The following ITGAD variants were observed in gnomAD, a reference collection of about 807,000 sequenced individuals.
The protein encoded by ITGAD is integrin alpha-D.
A neutral mutation model predicts 139.0 loss-of-function variants in ITGAD; 105 were observed. The ratio of observed to expected loss-of-function variants is 0.76; its 90% CI spans 0.65 to 0.89. ITGAD has a LOEUF of 0.89. Ranked by LOEUF, ITGAD falls within the 40% of genes least tolerant of loss-of-function variation. The pLI is 0.00. For synonymous variants in ITGAD, 569 were observed against 598.3 expected (o/e 0.95, Z 0.71); for missense variants, 1,384 against 1,487.3 (o/e 0.93, Z 1.14).
chr16:31,424,135 G>A lies in ITGAD; in HGVS notation c.3193G>A (p.Ala1065Thr). ...LQKKVLVVSV[A>T]EITFDTSVYS... ...GAAGAAGGTGTTGGTCGTGAGTGTG[G>A]CTGAAATTACGTTCGACACATCCGT... is the stretch of plus-strand genomic sequence containing the variant. The change falls in exon 28 of 30, where the codon GCT becomes ACT. Residue 1065 changes from alanine to threonine, a missense_variant. By Grantham distance (58) the Ala-to-Thr change is moderately conservative. Transcript: ENST00000389202. 6.2e-7 allele frequency: 1 copy of A among 1,614,230 alleles called. No homozygotes were observed. Among genetic ancestry groups the A allele is most frequent in the Non-Finnish European group, 8.5e-7 (1 of 1,180,050 alleles).
intron 23 of ITGAD, among the ~76,000 whole-genome samples, chr16:31,419,970 A>G (rs1293393833): frequency 6.6e-6 from 1 of 152,154 alleles, no homozygotes; most frequent in African/African-American, 2.4e-5. Context: ...ACACACACAC[A>G]TTGCCACCAC....
At chr16:31,419,827 A>AG (rs1412836046) in intron 23 of ITGAD, among the ~76,000 whole-genome samples, 11 of 151,614 alleles carry the variant, frequency 7.3e-5, no homozygotes, top group African/African-American at 2.2e-4. Context: ...AAAAAAAAAA[A>AG]AAAAGAAAAA....
chr16:31,413,633 C>A (rs528407858), intron 16 of ITGAD, among the ~76,000 whole-genome samples: 9 of 152,346 alleles, frequency 5.9e-5, no homozygotes, highest in Non-Finnish European at 1.2e-4. Context: ...CCCTGCGTAA[C>A]CCGCCTTGCA....
chr16:31,424,403 G>T (rs1307383558), intron 28 of ITGAD, 64 bp from the exon 29 acceptor site: 1 of 1,402,784 alleles, frequency 7.1e-7, no homozygotes, highest in Admixed American at 1.7e-5. Context: ...AGAGTTAAAG[G>T]TTGCGGAACC....
At chr16:31,419,574 G>A (rs181941620) in intron 23 of ITGAD, among the ~76,000 whole-genome samples, 104 of 152,324 alleles carry the variant, frequency 6.8e-4, no homozygotes, top group African/African-American at 2.4e-3. Context: ...ACTTTGGGAG[G>A]CTGAGGCAGG....
rs930037452 is a variant in ITGAD, at chr16:31,396,474, A to G, written c.138-885A>G. Among the ~76,000 whole-genome samples, 4 of 152,312 alleles carry G rather than the reference A, an allele frequency of 2.6e-5. No homozygotes were observed. The East Asian group carries it at 7.7e-4, about 29-fold the overall frequency. On this transcript the variant is annotated intron_variant, in intron 2 of 29. Transcript: ENST00000389202. ...GGTGACAGAGTGAAACTCTGTCTCA[A>G]AAAACATATGGGTTGATGGGTTACA...
At chr16:31,394,130 C>CAAAAAAA (rs943198130) in intron 1 of ITGAD, 106 bp from the exon 2 acceptor site, 7 of 417,102 alleles carry the variant, frequency 1.7e-5, no homozygotes, top group Admixed American at 4.5e-5. Context: ...GACTCCATCT[C>CAAAAAAA]AAAAAAAAAA....
chr16:31,414,730 G>A (rs1028717968), intron 17 of ITGAD, 125 bp downstream of exon 17: 6 of 1,549,780 alleles, frequency 3.9e-6, no homozygotes, highest in Non-Finnish European at 5.3e-6. Context: ...AGGGACATTA[G>A]GGCAGGAGAA....
intron 7 of ITGAD, among the ~76,000 whole-genome samples, chr16:31,406,586 G>A (rs9889047): frequency 0.033 from 5,074 of 152,286 alleles, 282 homozygotes; most frequent in African/African-American, 0.11. Context: ...GGGATATGCT[G>A]GAAGGCAGGC....
chr16:31,423,232 G>A (rs1482470611), intron 24 of ITGAD, 40 bp downstream of exon 24: 1 of 1,601,892 alleles, frequency 6.2e-7, no homozygotes, highest in East Asian at 2.2e-5. Flanking sequence ...CTTCCACGTT[G>A]TGGATAAAGT....
Position 31,412,967 on chromosome 16 carries a change from AG to A in ITGAD, c.1838+1del. The A allele has an allele frequency of 6.2e-7, 1 of 1,604,372 alleles. No individual in the cohort carries two copies. The highest frequency in any genetic ancestry group is 1.1e-5 in the South Asian group (1 of 89,710). On this transcript the variant is annotated frameshift_variant and splice_region_variant, in exon 15 of 30. Coordinates refer to ENST00000389202, the MANE Select transcript of ITGAD (RefSeq NM_005353.3). LOFTEE classifies it high-confidence loss of function. ...VGARGQVLLL[R>X]SLPVLKVGVA... The stretch of plus-strand genomic sequence containing the variant: ...GGCCCGGGGCCAGGTGCTCCTGCTC[AG>A]GTAGCGACTCCCCAACATCCTGCCC...
rs2081658695 is a variant in ITGAD, at chr16:31,410,440, G to A, written c.1129G>A (p.Gly377Ser). 5 of 1,614,030 alleles carry A rather than the reference G, an allele frequency of 3.1e-6. No homozygotes were observed. The highest frequency in any genetic ancestry group is 4.2e-6 in the Non-Finnish European group (5 of 1,179,990). The change falls in exon 11 of 30, where the codon GGT becomes AGT. Residue 377 changes from glycine (G) to serine (S), a missense_variant. Physicochemically the swap from Gly to Ser is moderately conservative, Grantham distance 56. Coordinates refer to ENST00000389202, the MANE Select transcript of ITGAD (RefSeq NM_005353.3). ...TGTGGGGAGCTTTAGCTGGTCTGGAGGTGCCTTCCTGTATCCCCCAAATAT... is the reference window on the plus strand; with the variant it reads ...TGTGGGGAGCTTTAGCTGGTCTGGAAGTGCCTTCCTGTATCCCCCAAATAT... The part of the protein sequence containing the change: ...GAVGSFSWSG[G>S]AFLYPPNMSP...
intron 7 of ITGAD, among the ~76,000 whole-genome samples, chr16:31,405,640 CTTTTTT>C (rs569550173): frequency 2.0e-4 from 21 of 103,990 alleles, no homozygotes; most frequent in Non-Finnish European, 2.6e-4. Context: ...TTTTGTTTTC[CTTTTTT>C]TTTTTTTTTT....
chr16:31,403,797 G>C lies in ITGAD; in HGVS notation c.704+152G>C. 3 of 916,408 alleles carry C rather than the reference G, an allele frequency of 3.3e-6. No homozygotes were observed. Among genetic ancestry groups the C allele is most frequent in the Non-Finnish European group, 4.9e-6 (3 of 616,324 alleles). 56.8% of individuals were successfully genotyped at this position (916,408 alleles called of 1,614,324 possible). On this transcript the variant is annotated intron_variant, in intron 7 of 29. Transcript: ENST00000389202. This position sits in a 1 kb window ranked among gnomAD's most constrained non-coding sequence, Gnocchi z 4.4. ...GGCTGCAGGGAGAACCTCCCCCCGG[G>C]GTGCTCCTGGTTGCCTCGCTGCCAG...
chr16:31,405,282 G>C (rs1375777286), intron 7 of ITGAD, among the ~76,000 whole-genome samples: 1 of 152,152 alleles, frequency 6.6e-6, no homozygotes, highest in Non-Finnish European at 1.5e-5. Flanking sequence ...ACCATGCCCA[G>C]CCTCTTCCTT....
At chr16:31,401,342 C>T (rs1485507652) in intron 5 of ITGAD, among the ~76,000 whole-genome samples, 5 of 152,260 alleles carry the variant, frequency 3.3e-5, no homozygotes, top group African/African-American at 1.2e-4. Context: ...GACGCTGAAC[C>T]AGTCATCGGT....
At chr16:31,410,974 G>A in intron 12 of ITGAD, 96 bp downstream of exon 12, 2 of 1,597,192 alleles carry the variant, frequency 1.3e-6, no homozygotes, top group Non-Finnish European at 1.7e-6. Context: ...GGGGCTTTGG[G>A]GGCCTTGGGA....
intron 16 of ITGAD, 62 bp downstream of exon 16, chr16:31,413,308 C>T (rs2081788031): frequency 6.4e-7 from 1 of 1,554,034 alleles, no homozygotes; most frequent in African/African-American, 1.4e-5. Flanking sequence ...CAATGCCATC[C>T]TGAGGATGGG....
chr16:31,424,288 C>A, intron 28 of ITGAD, 85 bp downstream of exon 28: 1 of 1,528,242 alleles, frequency 6.5e-7, no homozygotes, highest in Non-Finnish European at 9.1e-7. Flanking sequence ...GGTTTGCAAG[C>A]CTTGCGGGAG....
Sources: allele counts gnomAD v4.1 joint callset (sites outside exome capture counted in the v4.1 genomes callset), GRCh38; gene constraint gnomAD v4.1.1; non-coding constraint Gnocchi (gnomAD v3.1); transcripts MANE v1.5; gene names NCBI Gene and HGNC (gene_info 2026-07-23, HGNC 2026-07-21).